The following ELL variants were observed in gnomAD, a reference collection of about 807,000 sequenced individuals.
ELL encodes elongation factor for RNA polymerase II.
A neutral mutation model predicts 64.0 loss-of-function variants in ELL; 18 were observed. The ratio of observed to expected loss-of-function variants is 0.28; its 90% confidence interval spans 0.19 to 0.42. ELL has a LOEUF of 0.42. Among genes scored for constraint, ELL ranks in the 10% least tolerant of loss-of-function variants. ELL has a pLI of 1.00. For missense variants in ELL, 797 were observed against 870.4 expected, an observed-to-expected ratio of 0.92 and a Z score of 1.06; for synonymous variants, 399 against 376.2, an observed-to-expected ratio of 1.06 and a Z score of -0.70.
chr19:18,456,590 G>A (rs962927922), intron 6 of ELL, among the ~76,000 whole-genome samples: 3 of 152,182 alleles, frequency 2.0e-5, no homozygotes, highest in African/African-American at 7.2e-5. Context: ...AAGGGCACCA[G>A]GCAGTGTGTG....
rs1451221851 is a variant in ELL at position 18,443,850 on chromosome 19, AG to A, written c.*901del. 1 of 232,842 alleles carries A rather than the reference AG, an allele frequency of 4.3e-6. No individual in the cohort carries two copies. Among genetic ancestry groups the A allele is most frequent in the Non-Finnish European group, 8.5e-6 (1 of 117,882 alleles). 14.4% of individuals were successfully genotyped at this position (232,842 alleles called of 1,614,324 possible). ...GACCCCAGGACCCACAAGTGGACAGAGGGACGGAGGGAGGCCAGCAGCATCG... is the reference window on the plus strand; with the variant it reads ...GACCCCAGGACCCACAAGTGGACAGAGGACGGAGGGAGGCCAGCAGCATCG... On this transcript the variant is annotated 3_prime_UTR_variant, in exon 12 of 12. Coordinates refer to ENST00000262809, the MANE Select transcript of ELL (RefSeq NM_006532.4).
chr19:18,469,791 A>G (rs1410812395), intron 2 of ELL, among the ~76,000 whole-genome samples: 1 of 152,234 alleles, frequency 6.6e-6, no homozygotes, highest in Non-Finnish European at 1.5e-5. Flanking sequence ...CCACCGCTCA[A>G]GTCCCTGCCA....
chr19:18,465,067 C>T (rs915529705), intron 4 of ELL, among the ~76,000 whole-genome samples: 2 of 152,202 alleles, frequency 1.3e-5, no homozygotes, highest in African/African-American at 2.4e-5. Context: ...GCCTGTTGAT[C>T]TCCCTGACAG....
At position 18,501,769 on chromosome 19, in the gene ELL, T is replaced by C. The variant is rs1032108389; in HGVS notation, c.135+20152A>G. On this transcript the variant is annotated intron_variant, in intron 1 of 11. Coordinates refer to ENST00000262809, the MANE Select transcript of ELL (RefSeq NM_006532.4). This position sits in a 1 kb window ranked among gnomAD's most constrained non-coding sequence, Gnocchi z 4.5. ...CACCAATCCAGGCAAATTCGGACTC[T>C]CCCACAAATGGTCCATCCTTGGGGA... 6.6e-6 allele frequency among the ~76,000 whole-genome samples: 1 copy of C among 152,120 alleles called. No individual in the cohort carries two copies. The highest frequency in any genetic ancestry group is 1.5e-5 in the Non-Finnish European group (1 of 68,008).
intron 1 of ELL, among the ~76,000 whole-genome samples, chr19:18,511,576 C>G (rs572392048): frequency 4.6e-5 from 7 of 152,310 alleles, no homozygotes; most frequent in Non-Finnish European, 8.8e-5. Context: ...GTGGTCCATC[C>G]ACACCACAGG....
chr19:18,514,124 G>C (rs1030486788), intron 1 of ELL, among the ~76,000 whole-genome samples: 3 of 152,196 alleles, frequency 2.0e-5, no homozygotes, highest in African/African-American at 7.2e-5. Context: ...CCCACTGCCA[G>C]GTCAGATGGA....
chr19:18,448,635 T>C (rs997546695), intron 8 of ELL: 1 of 152,242 alleles, frequency 6.6e-6, no homozygotes, highest in African/African-American at 2.4e-5. Context: ...AACAGATAAC[T>C]GCCATGTGTC....
At chr19:18,472,463 G>A (rs912748732) in intron 2 of ELL, 18 of 259,180 alleles carry the variant, frequency 6.9e-5, no homozygotes, top group Middle Eastern at 2.3e-3. Flanking sequence ...ACAGGAGGCA[G>A]AGCTCAGGTG....
chr19:18,476,795 T>C (rs865849289), intron 1 of ELL, among the ~76,000 whole-genome samples: 1 of 152,126 alleles, frequency 6.6e-6, no homozygotes, highest in African/African-American at 2.4e-5. Context: ...ACCAGGCCCT[T>C]GTTAACAACA....
At chr19:18,468,580 C>T (rs1453755108) in intron 2 of ELL, among the ~76,000 whole-genome samples, 3 of 152,222 alleles carry the variant, frequency 2.0e-5, no homozygotes, top group South Asian at 2.1e-4. Context: ...GGGGACCACA[C>T]GTCCAGGGAA....
chr19:18,482,307 CCTTTTTTTTTT>C (rs1568388815), intron 1 of ELL, among the ~76,000 whole-genome samples: 3 of 79,034 alleles, frequency 3.8e-5, no homozygotes, highest in African/African-American at 2.6e-4. Flanking sequence ...TCTTTTCATT[CCTTTTTTTTTT>C]TTTTTTTTTT....
At chr19:18,510,412 C>T (rs1452257249) in intron 1 of ELL, among the ~76,000 whole-genome samples, 1 of 152,186 alleles carries the variant, frequency 6.6e-6, no homozygotes, top group Non-Finnish European at 1.5e-5. Flanking sequence ...ACAGGCCGGG[C>T]AACCGCACAC....
Position 18,501,707 on chromosome 19 carries a change from G to A in ELL, c.135+20214C>T, listed in dbSNP as rs535497955. 1.2e-4 allele frequency among the ~76,000 whole-genome samples: 18 copies of A among 152,322 alleles called. No individual in the cohort carries two copies. The highest frequency in any genetic ancestry group is 4.1e-4 in the African/African-American group (17 of 41,572). Reference sequence around the variant, plus strand: ...TCTGACACACCTGGGGGCCCAAGAGGTGATGGCATCACATAAAAGCAAAAG... The same window carrying A: ...TCTGACACACCTGGGGGCCCAAGAGATGATGGCATCACATAAAAGCAAAAG... On this transcript the variant is annotated intron_variant, in intron 1 of 11. Transcript: ENST00000262809. This position sits in a 1 kb window ranked among gnomAD's most constrained non-coding sequence, Gnocchi z 4.5.
chr19:18,516,162 T>G (rs1976122931), intron 1 of ELL, among the ~76,000 whole-genome samples: 1 of 151,910 alleles, frequency 6.6e-6, no homozygotes, highest in African/African-American at 2.4e-5. Flanking sequence ...GTAAGGCTCC[T>G]CCTGCCACCG....
chr19:18,498,809 G>A (rs1446997445), intron 1 of ELL, among the ~76,000 whole-genome samples: 1 of 152,172 alleles, frequency 6.6e-6, no homozygotes, highest in Non-Finnish European at 1.5e-5. Flanking sequence ...AATTAGCCAG[G>A]TGTGGTGGCA....
intron 6 of ELL, 94 bp downstream of exon 6, chr19:18,458,111 C>G: frequency 6.4e-7 from 1 of 1,559,150 alleles, no homozygotes; most frequent in Non-Finnish European, 8.6e-7. Context: ...CTGTGGCCTT[C>G]AGGACCACAC....
chr19:18,453,458 C>T (rs1324258235), intron 6 of ELL, among the ~76,000 whole-genome samples: 1 of 152,214 alleles, frequency 6.6e-6, no homozygotes, highest in Non-Finnish European at 1.5e-5. Flanking sequence ...ACTCTGGGCA[C>T]ACTGCCTATG....
At chr19:18,459,822 G>A (rs11879757) in intron 5 of ELL, among the ~76,000 whole-genome samples, 31,888 of 144,326 alleles carry the variant, frequency 0.22, 3,428 homozygotes, top group Middle Eastern at 0.28. Context: ...CACCGCGCCC[G>A]GCCCATGGGG....
intron 1 of ELL, among the ~76,000 whole-genome samples, chr19:18,482,062 T>C (rs1455610474): frequency 6.6e-6 from 1 of 152,140 alleles, no homozygotes; most frequent in Non-Finnish European, 1.5e-5. Flanking sequence ...GGTAGGTGTG[T>C]GGTGCAGTGA....
Sources: allele counts gnomAD v4.1 joint callset (sites outside exome capture counted in the v4.1 genomes callset), GRCh38; gene constraint gnomAD v4.1.1; non-coding constraint Gnocchi (gnomAD v3.1); transcripts MANE v1.5; gene names NCBI Gene and HGNC (gene_info 2026-07-23, HGNC 2026-07-21).